The following NARS1 variants were observed in gnomAD, a reference collection of about 807,000 sequenced individuals.
The protein encoded by NARS1 is asparaginyl-tRNA synthetase 1, also known as asparagine--tRNA ligase, cytoplasmic.
In NARS1, 65 loss-of-function variants were observed where a neutral mutation model predicts 79.2. The observed-to-expected ratio is 0.82, with a 90% CI of 0.67 to 1.01. The LOEUF (loss-of-function observed/expected upper bound fraction) is 1.01. NARS1 is among the 50% of genes least tolerant of loss of function. The probability of loss-of-function intolerance (pLI) is 0.00; values close to 1 mark genes in which losing one functional copy is unlikely to be tolerated. For synonymous variants in NARS1, 229 were observed against 238.8 expected (o/e 0.96, Z 0.38); for missense variants, 649 against 673.8 (o/e 0.96, Z 0.41).
chr18:57,615,452 A>C (rs1317199874), intron 4 of NARS1, among the ~76,000 whole-genome samples, 189 bp downstream of exon 4: 1 of 152,126 alleles, frequency 6.6e-6, no homozygotes, highest in Non-Finnish European at 1.5e-5. Context: ...CAGTGAGCTG[A>C]GATTGAACCA....
chr18:57,613,617 T>C lies in NARS1; in HGVS notation c.406A>G (p.Arg136Gly). The C allele has an allele frequency of 6.2e-7, 1 of 1,614,034 alleles. No homozygotes were observed. Among genetic ancestry groups the C allele is most frequent in the Non-Finnish European group, 8.5e-7 (1 of 1,179,882 alleles). The change falls in exon 5 of 14, where the codon AGG becomes GGG. Residue 136 changes from arginine to glycine, a missense_variant. Arg to Gly is a moderately radical substitution (Grantham distance 125). Coordinates refer to ENST00000256854, the MANE Select transcript of NARS1 (RefSeq NM_004539.4). ...QRVKVFGWVH[R>G]LRRQGKNLMF... is the part of the protein sequence containing the mutation. The stretch of plus-strand genomic sequence containing the variant: ...TGCCATTTACCTTGCCTGCGCAGCC[T>C]GTGGACCCAGCCAAACACCTTTACT...
chr18:57,607,317 A>C lies in NARS1; in HGVS notation c.818T>G (p.Leu273Ter). 1 of 1,614,112 alleles carries C rather than the reference A, an allele frequency of 6.2e-7. No individual in the cohort carries two copies. The highest frequency in any genetic ancestry group is 8.5e-7 in the Non-Finnish European group (1 of 1,179,964). Residue 273 changes from leucine to a stop codon, truncating the protein, a stop_gained, in exon 9 of 14, where the codon TTA becomes TGA. Coordinates refer to ENST00000256854, the MANE Select transcript of NARS1 (RefSeq NM_004539.4). LOFTEE classifies it high-confidence loss of function. ...ACCACCTTCTACTTGTGTTTGCACTAATGTTGGAGGAGTAACCTGTTCAAA... is the reference window on the plus strand; with the variant it reads ...ACCACCTTCTACTTGTGTTTGCACTCATGTTGGAGGAGTAACCTGTTCAAA... ...RGYYEVTPPT[L>*]VQTQVEGGAT...
rs2051598300 is a variant in NARS1 at position 57,610,741 on chromosome 18, G to A, written c.492+896C>T. On this transcript the variant is annotated intron_variant, in intron 6 of 13. Coordinates refer to ENST00000256854, the MANE Select transcript of NARS1 (RefSeq NM_004539.4). ...ACATAGTAATGGGTGGGGAGAGGGG[G>A]CGGGTTGCAAAAGAAGAGAGAATGC... Among the ~76,000 whole-genome samples, 6 of 152,194 alleles carry A rather than the reference G, an allele frequency of 3.9e-5. No homozygotes were observed. The South Asian group carries it at 1.2e-3, about 32-fold the overall frequency.
intron 11 of NARS1, 65 bp from the exon 12 acceptor site, chr18:57,603,008 T>C (rs2051523150): frequency 7.1e-6 from 11 of 1,553,276 alleles, no homozygotes; most frequent in Middle Eastern, 1.7e-4. Flanking sequence ...AAGCAGCTCC[T>C]TCACCCTGTA....
In NARS1 at chr18:57,615,969, T is replaced by A. The variant is rs200280217; in HGVS notation, c.100A>T (p.Met34Leu). The change falls in exon 3 of 14, where the codon ATG becomes TTG. Residue 34 changes from methionine to leucine, a missense_variant. Transcript: ENST00000256854. Reference protein sequence around the residue: ...KPFKTGLKALMTVGKEPFPTI... With the variant: ...KPFKTGLKALLTVGKEPFPTI... ...GGAAATGGTTCTTTCCCTACTGTCA[T>A]CAAAGCCTTGGGTAGGGAGGAGAGA... 260 of 1,603,254 alleles carry A rather than the reference T, an allele frequency of 1.6e-4. No individual in the cohort carries two copies. The highest frequency in any genetic ancestry group is 2.1e-4 in the Non-Finnish European group (247 of 1,176,350).
intron 11 of NARS1, among the ~76,000 whole-genome samples, chr18:57,604,431 C>T (rs62092553): frequency 0.012 from 1,891 of 151,604 alleles, 20 homozygotes; most frequent in Non-Finnish European, 0.019. Context: ...TTCACAGAAA[C>T]AAGAGTGCTT....
In NARS1 at chr18:57,621,256, T is replaced by C. The variant is rs8097022; in HGVS notation, c.10+452A>G. 2.8e-3 allele frequency among the ~76,000 whole-genome samples: 404 copies of C among 143,504 alleles called. 3 individuals are homozygous for C. Among genetic ancestry groups the C allele is most frequent in the African/African-American group, 9.3e-3 (353 of 38,120 alleles). The allele number at this position is 143,504 out of a possible 152,430, so 94.1% of individuals were successfully genotyped here. On this transcript the variant is annotated intron_variant, in intron 1 of 13. Transcript: ENST00000256854. ...TTAACATCCATCCAGGTCTCTCTCTTTTTTTTTTTTTTTTTCCTACTGCAC... is the reference window on the plus strand; with the variant it reads ...TTAACATCCATCCAGGTCTCTCTCTCTTTTTTTTTTTTTTTCCTACTGCAC...
intron 2 of NARS1, among the ~76,000 whole-genome samples, chr18:57,619,197 TAA>T (rs1908187831): frequency 6.9e-6 from 1 of 144,328 alleles, no homozygotes; most frequent in African/African-American, 2.5e-5. Flanking sequence ...TGGGCTCAAG[TAA>T]TCCCCCTATC....
chr18:57,602,725 T>G, intron 12 of NARS1, 87 bp downstream of exon 12: 2 of 1,442,366 alleles, frequency 1.4e-6, no homozygotes, highest in South Asian at 1.3e-5. Flanking sequence ...AATGAAATAT[T>G]TGGCATGAGC....
At chr18:57,615,298 C>T (rs1340678992) in intron 4 of NARS1, among the ~76,000 whole-genome samples, 1 of 152,134 alleles carries the variant, frequency 6.6e-6, no homozygotes, top group African/African-American at 2.4e-5. Context: ...ATCGGGAGAT[C>T]AAGACCATCC....
intron 4 of NARS1, among the ~76,000 whole-genome samples, chr18:57,613,908 T>C (rs1308918121): frequency 6.6e-6 from 1 of 152,152 alleles, no homozygotes; most frequent in Non-Finnish European, 1.5e-5. Context: ...AAACTGATAA[T>C]GAGAAACACC....
At position 57,620,598 on chromosome 18, in the gene NARS1, T is replaced by C; in HGVS notation, c.64A>G (p.Lys22Glu). The stretch of plus-strand genomic sequence containing the variant: ...AGACCTGTTTTAAATGGTTTCTCCT[T>C]GGTTCCATCTCCCGTGGCATCGCTT... ...EGSDATGDGTKEKPFKTGLKA... is the reference protein window; with the variant it reads ...EGSDATGDGTEEKPFKTGLKA... Residue 22 changes from lysine to glutamate, a missense_variant, in exon 2 of 14, where the codon AAG (lysine) becomes GAG (glutamate). Transcript: ENST00000256854. The C allele has an allele frequency of 6.2e-7, 1 of 1,613,770 alleles. No individual in the cohort carries two copies. Among genetic ancestry groups the C allele is most frequent in the Non-Finnish European group, 8.5e-7 (1 of 1,179,782 alleles).
chr18:57,602,655 C>T (rs1029252545), intron 12 of NARS1, 157 bp downstream of exon 12: 16 of 1,202,176 alleles, frequency 1.3e-5, no homozygotes, highest in Non-Finnish European at 1.7e-5. Flanking sequence ...AGCATGTCAA[C>T]TTCAATCAGG....
chr18:57,615,933 C>A lies in NARS1; in HGVS notation c.136G>T (p.Val46Leu). 4 of 1,612,486 alleles carry A rather than the reference C, an allele frequency of 2.5e-6. No homozygotes were observed. The highest frequency in any genetic ancestry group is 3.4e-6 in the Non-Finnish European group (4 of 1,179,502). The change falls in exon 3 of 14, where the codon GTA becomes TTA. Residue 46 changes from valine (V) to leucine (L), a missense_variant. Physicochemically the swap from Val to Leu is conservative, Grantham distance 32. Coordinates refer to ENST00000256854, the MANE Select transcript of NARS1 (RefSeq NM_004539.4). Reference protein sequence around the residue: ...VGKEPFPTIYVDSQKENERWN... With the variant: ...VGKEPFPTIYLDSQKENERWN... The stretch of plus-strand genomic sequence containing the variant: ...CTCTCATTTTCTTTTTGTGAATCTA[C>A]GTAAATGGTAGGAAATGGTTCTTTC...
chr18:57,609,285 A>G, intron 7 of NARS1, 72 bp downstream of exon 7: 1 of 1,265,496 alleles, frequency 7.9e-7, no homozygotes, highest in Non-Finnish European at 1.1e-6. Flanking sequence ...CCAAATGTAC[A>G]AACAAAGACA....
intron 2 of NARS1, among the ~76,000 whole-genome samples, chr18:57,616,254 C>T (rs1202021960): frequency 6.6e-6 from 1 of 151,902 alleles, no homozygotes; most frequent in Admixed American, 6.6e-5. Context: ...CCCGTCTCTA[C>T]TAAAAATACA....
Position 57,620,615 on chromosome 18 carries a change from G to T in NARS1, c.47C>A (p.Ala16Asp). 1 of 1,613,680 alleles carries T rather than the reference G, an allele frequency of 6.2e-7. No homozygotes were observed. Residue 16 changes from alanine to aspartate, a missense_variant, in exon 2 of 14, where the codon GCC becomes GAC. Coordinates refer to ENST00000256854, the MANE Select transcript of NARS1 (RefSeq NM_004539.4). Reference sequence around the variant, plus strand: ...TTTCTCCTTGGTTCCATCTCCCGTGGCATCGCTTCCCTCTCGGTCAGAGAC... The same window carrying T: ...TTTCTCCTTGGTTCCATCTCCCGTGTCATCGCTTCCCTCTCGGTCAGAGAC... Reference protein sequence around the residue: ...LYVSDREGSDATGDGTKEKPF... With the variant: ...LYVSDREGSDDTGDGTKEKPF...
At position 57,602,938 on chromosome 18, in the gene NARS1, G is replaced by A; in HGVS notation, c.1257C>T (p.Ile419=). 1 of 1,613,854 alleles carries A rather than the reference G, an allele frequency of 6.2e-7. No homozygotes were observed. Among genetic ancestry groups the A allele is most frequent in the Admixed American group, 1.7e-5 (1 of 59,952 alleles). The change falls in exon 12 of 14, where the codon ATC becomes ATT. Residue 419 remains isoleucine, a synonymous_variant. Coordinates refer to ENST00000256854, the MANE Select transcript of NARS1 (RefSeq NM_004539.4). ...DGTFYEFGED[I]PEAPERLMTD... ...TCATCAGTCTCTCAGGAGCTTCTGGGATATCCTGAGGTCAAACAAGACTTC... is the reference window on the plus strand; with the variant it reads ...TCATCAGTCTCTCAGGAGCTTCTGGAATATCCTGAGGTCAAACAAGACTTC...
intron 11 of NARS1, among the ~76,000 whole-genome samples, chr18:57,605,101 A>C (rs902795492): frequency 1.4e-5 from 2 of 142,916 alleles, no homozygotes; most frequent in Non-Finnish European, 3.0e-5. Context: ...TCTTTTTAAA[A>C]GCACAAGATA....
Sources: allele counts gnomAD v4.1 joint callset (sites outside exome capture counted in the v4.1 genomes callset), GRCh38; gene constraint gnomAD v4.1.1; transcripts MANE v1.5; gene names NCBI Gene and HGNC (gene_info 2026-07-23, HGNC 2026-07-21).